JPH1: variants seen among roughly 807,000 people sequenced by gnomAD.
JPH1 encodes junctophilin 1.
Under a neutral mutation model 53.6 loss-of-function variants are expected in JPH1, and 12 were observed. That is an observed-to-expected ratio of 0.22 (90% CI 0.14 to 0.36). JPH1 has a LOEUF of 0.36. Among genes scored for constraint, JPH1 ranks in the 10% least tolerant of loss-of-function variants. JPH1 has a pLI of 1.00. For synonymous variants in JPH1, 375 were observed against 363.8 expected (o/e 1.03, Z -0.35); for missense variants, 808 against 905.5 (o/e 0.89, Z 1.38).
At chr8:74,266,959 A>C (rs1238485519) in intron 2 of JPH1, among the ~76,000 whole-genome samples, 1 of 152,218 alleles carries the variant, frequency 6.6e-6, no homozygotes, top group Non-Finnish European at 1.5e-5. Flanking sequence ...TCTAGCTTTT[A>C]ACATAAAGCC....
intron 2 of JPH1, among the ~76,000 whole-genome samples, chr8:74,264,739 C>T (rs1270337781): frequency 6.6e-6 from 1 of 152,164 alleles, no homozygotes; most frequent in Non-Finnish European, 1.5e-5. Flanking sequence ...ACAAATGCAT[C>T]CACAGATTCG....
intron 2 of JPH1, among the ~76,000 whole-genome samples, chr8:74,304,229 A>G (rs1807768999): frequency 2.0e-5 from 3 of 152,252 alleles, no homozygotes; most frequent in Admixed American, 6.5e-5. Flanking sequence ...CTTAATCATA[A>G]TTTTACATTT....
chr8:74,264,665 C>A (rs768216522), intron 2 of JPH1, among the ~76,000 whole-genome samples: 1 of 152,126 alleles, frequency 6.6e-6, no homozygotes, highest in African/African-American at 2.4e-5. Flanking sequence ...GTAGGTGAGG[C>A]CACTCTGAGC....
At chr8:74,239,740 G>A (rs923512998) in intron 4 of JPH1, among the ~76,000 whole-genome samples, 1 of 152,110 alleles carries the variant, frequency 6.6e-6, no homozygotes, top group Non-Finnish European at 1.5e-5. Flanking sequence ...TGAGCATCCC[G>A]AATACAAAAT....
At chr8:74,271,215 T>C (rs1806689161) in intron 2 of JPH1, among the ~76,000 whole-genome samples, 1 of 152,180 alleles carries the variant, frequency 6.6e-6, no homozygotes. Flanking sequence ...GGAAGTCGAC[T>C]GAATTGGTAG....
chr8:74,309,807 G>A (rs772562142), intron 2 of JPH1, among the ~76,000 whole-genome samples: 1 of 152,212 alleles, frequency 6.6e-6, no homozygotes, highest in African/African-American at 2.4e-5. Context: ...ATCTTGGGCA[G>A]AGCCTCAGTC....
chr8:74,297,338 C>T (rs899512480), intron 2 of JPH1, among the ~76,000 whole-genome samples: 1 of 152,194 alleles, frequency 6.6e-6, no homozygotes, highest in African/African-American at 2.4e-5. Context: ...TTCTCTATTA[C>T]AAACCAGAGA....
At chr8:74,304,048 C>T (rs1807762364) in intron 2 of JPH1, among the ~76,000 whole-genome samples, 1 of 152,184 alleles carries the variant, frequency 6.6e-6, no homozygotes, top group Admixed American at 6.5e-5. Flanking sequence ...GGAAAACACC[C>T]ACACATCCTT....
intron 2 of JPH1, among the ~76,000 whole-genome samples, chr8:74,279,871 T>C (rs1427898916): frequency 6.6e-6 from 1 of 152,202 alleles, no homozygotes; most frequent in Non-Finnish European, 1.5e-5. Context: ...TCCCTTCAAC[T>C]TGAATATTCG....
At chr8:74,299,209 C>CAGG (rs1807605285) in intron 2 of JPH1, among the ~76,000 whole-genome samples, 1 of 151,670 alleles carries the variant, frequency 6.6e-6, no homozygotes, top group Non-Finnish European at 1.5e-5. Flanking sequence ...CAGAGCAACT[C>CAGG]TTCCTGGCAC....
intron 2 of JPH1, among the ~76,000 whole-genome samples, chr8:74,289,867 G>A (rs2131430645): frequency 6.6e-6 from 1 of 152,264 alleles, no homozygotes; most frequent in Middle Eastern, 3.4e-3. Flanking sequence ...TGTGATGGAT[G>A]ACATTTGTTG....
At chr8:74,247,363 T>C (rs1805888131) in intron 3 of JPH1, among the ~76,000 whole-genome samples, 1 of 152,234 alleles carries the variant, frequency 6.6e-6, no homozygotes, top group East Asian at 1.9e-4. Flanking sequence ...TTTGCAAAGA[T>C]AATTAAAATA....
chr8:74,303,944 C>T (rs572597660), intron 2 of JPH1, among the ~76,000 whole-genome samples: 1 of 151,796 alleles, frequency 6.6e-6, no homozygotes, highest in South Asian at 2.1e-4. Context: ...CTCTCAACAC[C>T]CTACACCTAG....
intron 3 of JPH1, among the ~76,000 whole-genome samples, chr8:74,256,051 C>CA (rs1428904828): frequency 6.6e-6 from 1 of 152,154 alleles, no homozygotes; most frequent in East Asian, 1.9e-4. Context: ...GGTATATACG[C>CA]AAAGGATTAT....
intron 4 of JPH1, among the ~76,000 whole-genome samples, chr8:74,244,113 A>T (rs1232622635): frequency 2.0e-5 from 3 of 152,220 alleles, no homozygotes; most frequent in Non-Finnish European, 4.4e-5. Flanking sequence ...TGAAAACAGG[A>T]GAACTAAGAA....
chr8:74,256,055 G>A (rs1806215963), intron 3 of JPH1, among the ~76,000 whole-genome samples: 2 of 152,106 alleles, frequency 1.3e-5, no homozygotes, highest in African/African-American at 4.8e-5. Flanking sequence ...TATACGCAAA[G>A]GATTATAAAT....
At chr8:74,254,939 G>C (rs534942549) in intron 3 of JPH1, among the ~76,000 whole-genome samples, 1 of 152,180 alleles carries the variant, frequency 6.6e-6, no homozygotes, top group South Asian at 2.1e-4. Flanking sequence ...TGGGTAGGAA[G>C]AATCAATATC....
chr8:74,267,642 T>A (rs777314575), intron 2 of JPH1, among the ~76,000 whole-genome samples: 3 of 152,076 alleles, frequency 2.0e-5, no homozygotes, highest in South Asian at 2.1e-4. Flanking sequence ...GGCGAGGAAG[T>A]GGGCAGAAGA....
chr8:74,291,437 A>T (rs1167480531), intron 2 of JPH1, among the ~76,000 whole-genome samples: 2 of 152,250 alleles, frequency 1.3e-5, no homozygotes, highest in African/African-American at 4.8e-5. Flanking sequence ...ATACCATCTC[A>T]CACCAGTTAG....
Sources: allele counts gnomAD v4.1 joint callset (sites outside exome capture counted in the v4.1 genomes callset), GRCh38; gene constraint gnomAD v4.1.1; transcripts MANE v1.5; gene names NCBI Gene and HGNC (gene_info 2026-07-23, HGNC 2026-07-21).